Variants in MGAT4C observed in about 807,000 individuals in gnomAD.
The protein encoded by MGAT4C is MGAT4 family member C.
In MGAT4C, 19 loss-of-function variants were observed where a neutral mutation model predicts 40.1. The observed-to-expected ratio is 0.47, with a 90% CI of 0.33 to 0.70. The LOEUF is 0.70. Ranked by LOEUF, MGAT4C falls within the 30% of genes least tolerant of loss-of-function variation. The pLI, the probability that MGAT4C is intolerant of heterozygous loss-of-function variation, is 0.02. For missense variants in MGAT4C, 491 were observed against 563.2 expected (o/e 0.87, Z 1.30); for synonymous variants, 181 against 187.1 (o/e 0.97, Z 0.27).
At chr12:86,805,408 A>C (rs1952332655) in intron 1 of MGAT4C, among the ~76,000 whole-genome samples, 1 of 151,756 alleles carries the variant, frequency 6.6e-6, no homozygotes, top group Admixed American at 6.6e-5. Context: ...TATTCTTGCC[A>C]CCTTTATGTC....
chr12:86,606,227 G>A (rs1962041594), intron 2 of MGAT4C, among the ~76,000 whole-genome samples: 1 of 152,070 alleles, frequency 6.6e-6, no homozygotes, highest in African/African-American at 2.4e-5. Context: ...TTTGGGTGGG[G>A]ATGCAAAGCT....
chr12:86,435,351 T>A (rs969864555), intron 2 of MGAT4C: 1 of 151,930 alleles, frequency 6.6e-6, no homozygotes, highest in African/African-American at 2.4e-5. Context: ...ATCTAGTGAC[T>A]GTTATTCTGG....
At chr12:86,542,732 T>C (rs1959174674) in intron 2 of MGAT4C, among the ~76,000 whole-genome samples, 1 of 152,206 alleles carries the variant, frequency 6.6e-6, no homozygotes, top group African/African-American at 2.4e-5. Flanking sequence ...GAATGAATGC[T>C]GCACTATAAA....
chr12:86,257,670 C>T (rs1952561783), upstream of MGAT4C, among the ~76,000 whole-genome samples: 2 of 152,218 alleles, frequency 1.3e-5, no homozygotes, highest in Non-Finnish European at 2.9e-5. Flanking sequence ...TCAATGGCCT[C>T]AATAAGAGTT....
chr12:86,004,747 C>A (rs1455801649), intron 2 of MGAT4C, among the ~76,000 whole-genome samples: 1 of 152,164 alleles, frequency 6.6e-6, no homozygotes, highest in Non-Finnish European at 1.5e-5. Flanking sequence ...TAAGCACTCC[C>A]TTCCTTTTTC....
chr12:86,106,595 G>A (rs1384176468), intron 1 of MGAT4C, among the ~76,000 whole-genome samples: 1 of 152,078 alleles, frequency 6.6e-6, no homozygotes, highest in Non-Finnish European at 1.5e-5. Context: ...GTGAGCCATG[G>A]CACCTGCCTT....
chr12:86,341,974 C>T (rs149762147), intron 3 of MGAT4C, among the ~76,000 whole-genome samples: 2 of 152,252 alleles, frequency 1.3e-5, no homozygotes, highest in African/African-American at 4.8e-5. Context: ...CTGAAGTGGA[C>T]CCCCAGCGCA....
chr12:86,637,297 A>T (rs1963248292), intron 2 of MGAT4C, among the ~76,000 whole-genome samples: 1 of 152,002 alleles, frequency 6.6e-6, no homozygotes. Flanking sequence ...CATTTTATAT[A>T]TTCAGGTACT....
chr12:86,065,628 C>CA (rs1217529940), intron 1 of MGAT4C, among the ~76,000 whole-genome samples: 7 of 152,126 alleles, frequency 4.6e-5, no homozygotes, highest in Non-Finnish European at 8.8e-5. Flanking sequence ...AAACTGGAAG[C>CA]ATTCCCTTTG....
At chr12:86,232,558 TG>T (rs1384801786) in intron 1 of MGAT4C, among the ~76,000 whole-genome samples, 1 of 152,116 alleles carries the variant, frequency 6.6e-6, no homozygotes, top group Admixed American at 6.6e-5. Context: ...CAGATAAATA[TG>T]GGGAAAATGA....
chr12:86,331,807 GA>G (rs1468683977), intron 4 of MGAT4C, among the ~76,000 whole-genome samples: 1 of 152,090 alleles, frequency 6.6e-6, no homozygotes, highest in Non-Finnish European at 1.5e-5. Flanking sequence ...ACTATAATCT[GA>G]GCAGCAAATG....
At chr12:86,705,661 A>G (rs1371759558) in intron 2 of MGAT4C, among the ~76,000 whole-genome samples, 1 of 152,190 alleles carries the variant, frequency 6.6e-6, no homozygotes, top group Admixed American at 6.5e-5. Context: ...TAAATGAAAT[A>G]TAAACAAATT....
At chr12:86,127,014 G>T (rs565643637) in intron 1 of MGAT4C, among the ~76,000 whole-genome samples, 18 of 152,282 alleles carry the variant, frequency 1.2e-4, no homozygotes, top group Admixed American at 1.2e-3. Flanking sequence ...TTCACAATAG[G>T]GTTCACACTC....
chr12:85,979,472 C>T lies in MGAT4C; in HGVS notation c.1254G>A (p.Met418Ile). ...HGALDVGENV[M>I]PSKQRRQCST... Reference sequence around the variant, plus strand: ...AACATTGTCTCCTTTGTTTGCTAGGCATAACGTTTTCCCCAACATCTAGGG... The same window carrying T: ...AACATTGTCTCCTTTGTTTGCTAGGTATAACGTTTTCCCCAACATCTAGGG... Residue 418 changes from methionine to isoleucine, a missense_variant, in exon 5 of 5, where the codon ATG becomes ATA. Met to Ile is a conservative substitution (Grantham distance 10, BLOSUM62 1). Coordinates refer to ENST00000611864, the MANE Select transcript of MGAT4C (RefSeq NM_001351288.2). 1 of 1,613,412 alleles carries T rather than the reference C, an allele frequency of 6.2e-7. No individual in the cohort carries two copies.
chr12:86,596,811 G>A (rs1361061343), intron 2 of MGAT4C, among the ~76,000 whole-genome samples: 1 of 152,086 alleles, frequency 6.6e-6, no homozygotes, highest in Admixed American at 6.5e-5. Context: ...ACCAAAATGG[G>A]GGAATGTGAA....
intron 3 of MGAT4C, among the ~76,000 whole-genome samples, chr12:86,398,712 T>A (rs10858424): frequency 1.3e-5 from 2 of 151,498 alleles, no homozygotes; most frequent in South Asian, 2.1e-4. Flanking sequence ...TTTTTCTTCC[T>A]GAGGCAGGCC....
intron 1 of MGAT4C, among the ~76,000 whole-genome samples, chr12:86,795,873 T>C (rs1483016642): frequency 1.3e-5 from 2 of 151,976 alleles, no homozygotes; most frequent in African/African-American, 4.8e-5. Context: ...CTGCAGATCT[T>C]TTTATGAATG....
intron 2 of MGAT4C, among the ~76,000 whole-genome samples, chr12:86,564,088 A>C (rs1197509977): frequency 6.6e-6 from 1 of 152,154 alleles, no homozygotes; most frequent in Non-Finnish European, 1.5e-5. Context: ...AAGACTTGAA[A>C]GATGCAGGGG....
At chr12:86,495,754 G>GA (rs1958224659) in intron 2 of MGAT4C, among the ~76,000 whole-genome samples, 1 of 151,978 alleles carries the variant, frequency 6.6e-6, no homozygotes, top group Admixed American at 6.6e-5. Flanking sequence ...CTTAAAACTT[G>GA]AAACTTACTT....
Sources: allele counts gnomAD v4.1 joint callset (sites outside exome capture counted in the v4.1 genomes callset), GRCh38; gene constraint gnomAD v4.1.1; transcripts MANE v1.5; gene names NCBI Gene and HGNC (gene_info 2026-07-23, HGNC 2026-07-21).